RNF157: variants seen among roughly 807,000 people sequenced by gnomAD.
RNF157 encodes the protein ring finger protein 157.
Under a neutral mutation model 88.3 loss-of-function variants are expected in RNF157, and 55 were observed. That is an observed-to-expected ratio of 0.62 (90% CI 0.50 to 0.78). The LOEUF is 0.78. RNF157 is among the 30% of genes least tolerant of loss of function. The pLI is 0.00. For missense variants in RNF157, 788 were observed against 860.8 expected, an observed-to-expected ratio of 0.92 and a Z score of 1.06; for synonymous variants, 334 against 341.2, an observed-to-expected ratio of 0.98 and a Z score of 0.23.
chr17:76,164,630 A>C, intron 8 of RNF157, 118 bp downstream of exon 8: 1 of 565,086 alleles, frequency 1.8e-6, no homozygotes. Flanking sequence ...AAAAAGAGGA[A>C]AAGGAGAGAG....
At chr17:76,169,920 G>C (rs1170435835) in intron 3 of RNF157, among the ~76,000 whole-genome samples, 1 of 152,164 alleles carries the variant, frequency 6.6e-6, no homozygotes, top group Admixed American at 6.5e-5. Context: ...TTTTGCTACT[G>C]TCTTTCCTAT....
At chr17:76,215,286 C>A (rs2069869054) in intron 1 of RNF157, among the ~76,000 whole-genome samples, 1 of 151,862 alleles carries the variant, frequency 6.6e-6, no homozygotes, top group South Asian at 2.1e-4. Context: ...GACCTTGTCT[C>A]TACTAAAAAC....
chr17:76,206,227 T>C (rs2069680031), intron 2 of RNF157, among the ~76,000 whole-genome samples: 1 of 151,858 alleles, frequency 6.6e-6, no homozygotes, highest in Admixed American at 6.6e-5. Flanking sequence ...CAAGACCTTG[T>C]CTCAAAAGGA....
intron 2 of RNF157, among the ~76,000 whole-genome samples, chr17:76,183,918 G>A (rs994084404): frequency 5.3e-5 from 8 of 152,032 alleles, no homozygotes; most frequent in African/African-American, 1.4e-4. Flanking sequence ...GGCTGGGAGC[G>A]GTGGCTCACA....
intron 1 of RNF157, among the ~76,000 whole-genome samples, chr17:76,213,225 AAT>A (rs2069831617): frequency 6.6e-6 from 1 of 152,170 alleles, no homozygotes; most frequent in Non-Finnish European, 1.5e-5. Flanking sequence ...GATATTGTAA[AAT>A]ATATGTTTGA....
chr17:76,156,332 T>TG lies in RNF157; in HGVS notation c.1414-12dup, dbSNP rs1242090610. On this transcript the variant is annotated splice_polypyrimidine_tract_variant and intron_variant, in intron 13 of 18. Transcript: ENST00000269391. ...AGTCACACCACATTCCTGGGGGTTG[T>TG]GGGGGGACACAACAGGACATGGAGC... 2.5e-6 allele frequency: 4 copies of TG among 1,613,684 alleles called. No homozygotes were observed. The highest frequency in any genetic ancestry group is 1.7e-5 in the Admixed American group (1 of 59,978).
intron 6 of RNF157, 36 bp downstream of exon 6, chr17:76,166,425 G>A (rs1376356): frequency 0.19 from 291,353 of 1,562,378 alleles, 27,791 homozygotes; most frequent in Middle Eastern, 0.28. Context: ...CAAAAGAGCA[G>A]TGTGCACAGC....
At position 76,167,001 on chromosome 17, in the gene RNF157, C is replaced by T. The variant is rs2068936734; in HGVS notation, c.561+8G>A. The stretch of plus-strand genomic sequence containing the variant: ...GGATGTGGGAAACCCTCCCCAGAGG[C>T]AGCTCACCTCCTCTTCGGCCCACTC... On this transcript the variant is annotated splice_region_variant and intron_variant, in intron 5 of 18. Coordinates refer to ENST00000269391, the MANE Select transcript of RNF157 (RefSeq NM_052916.3). 2 of 1,588,702 alleles carry T rather than the reference C, an allele frequency of 1.3e-6. No individual in the cohort carries two copies. The highest frequency in any genetic ancestry group is 1.7e-6 in the Non-Finnish European group (2 of 1,167,404).
At chr17:76,238,920 G>C (rs1257935298) in intron 1 of RNF157, among the ~76,000 whole-genome samples, 3 of 152,160 alleles carry the variant, frequency 2.0e-5, no homozygotes, top group African/African-American at 7.2e-5. Context: ...TTCATTCTTT[G>C]GTACAAAAGC....
intron 12 of RNF157, 99 bp downstream of exon 12, chr17:76,159,236 C>A (rs1208704572): frequency 4.8e-6 from 5 of 1,044,884 alleles, no homozygotes; most frequent in Non-Finnish European, 7.4e-6. Context: ...CAGAGGGTTA[C>A]TCTGCCCTAA....
Position 76,146,906 on chromosome 17 carries a change from ACCCT to A in RNF157, c.1922-1557_1922-1554del, listed in dbSNP as rs2144783979. On this transcript the variant is annotated intron_variant, in intron 18 of 18. Coordinates refer to ENST00000269391, the MANE Select transcript of RNF157 (RefSeq NM_052916.3). This position sits in a 1 kb window ranked among gnomAD's most constrained non-coding sequence, Gnocchi z 4.2. Reference sequence around the variant, plus strand: ...GCCTCAGGCCAGCCCAGGACATGAAACCCTTTAATGGCATGTAGAGTCAACAGGT... The same window carrying A: ...GCCTCAGGCCAGCCCAGGACATGAAATTAATGGCATGTAGAGTCAACAGGT... The A allele has an allele frequency of 3.0e-6, 3 of 985,374 alleles. No homozygotes were observed. Among genetic ancestry groups the A allele is most frequent in the South Asian group, 9.4e-5 (2 of 21,284 alleles). 61.0% of individuals were successfully genotyped at this position (985,374 alleles called of 1,614,324 possible).
intron 2 of RNF157, among the ~76,000 whole-genome samples, chr17:76,182,805 AGAGAGATATATATCCTATATATCC>A (rs2069216354): frequency 5.2e-5 from 7 of 134,996 alleles, no homozygotes; most frequent in African/African-American, 1.8e-4. Context: ...TATATATATG[AGAGAGATATATATCCTATATATCC>A]TATATATGAT....
chr17:76,154,562 G>T (rs1244677008), intron 16 of RNF157: 2 of 514,724 alleles, frequency 3.9e-6, no homozygotes, highest in Admixed American at 3.5e-5. Flanking sequence ...TATATGCTCA[G>T]AATGGTCTGT....
intron 2 of RNF157, among the ~76,000 whole-genome samples, chr17:76,209,228 G>C (rs1326205170): frequency 6.6e-6 from 1 of 152,116 alleles, no homozygotes; most frequent in Non-Finnish European, 1.5e-5. Context: ...ACTGTGCCCA[G>C]CTTGATCTTC....
At chr17:76,150,339 G>A (rs1056552346) in intron 18 of RNF157, among the ~76,000 whole-genome samples, 2 of 152,082 alleles carry the variant, frequency 1.3e-5, no homozygotes, top group African/African-American at 4.8e-5. Flanking sequence ...TCACCCTAGG[G>A]AACCCCAGGG....
chr17:76,233,212 G>A (rs560367538), intron 1 of RNF157, among the ~76,000 whole-genome samples: 12 of 152,060 alleles, frequency 7.9e-5, no homozygotes, highest in African/African-American at 2.9e-4. Context: ...GAGCCACCGT[G>A]CCTGGCCTCT....
intron 2 of RNF157, among the ~76,000 whole-genome samples, chr17:76,194,548 T>C (rs1451041422): frequency 6.6e-6 from 1 of 152,130 alleles, no homozygotes; most frequent in Non-Finnish European, 1.5e-5. Context: ...CAAAGACAAA[T>C]AACTCATTTA....
intron 2 of RNF157, among the ~76,000 whole-genome samples, chr17:76,179,824 G>C (rs1055295456): frequency 2.0e-5 from 3 of 152,216 alleles, no homozygotes; most frequent in African/African-American, 7.2e-5. Flanking sequence ...AACAGATTCA[G>C]GGCCAAGCAT....
rs2069432804 is a variant in RNF157, at chr17:76,194,089, TA to T, written c.207+18274del. 2.0e-5 allele frequency among the ~76,000 whole-genome samples: 3 copies of T among 152,234 alleles called. 1 individual carries two copies. In the South Asian group the frequency reaches 6.2e-4, roughly 31 times the overall value. On this transcript the variant is annotated intron_variant, in intron 2 of 18. Transcript: ENST00000269391. ...GGTTTGTTTATCAAGGTATAATTTA[TA>T]TACAGTAAAATTCAGCCTTTTTGGT...
Sources: allele counts gnomAD v4.1 joint callset (sites outside exome capture counted in the v4.1 genomes callset), GRCh38; gene constraint gnomAD v4.1.1; non-coding constraint Gnocchi (gnomAD v3.1); transcripts MANE v1.5; gene names NCBI Gene and HGNC (gene_info 2026-07-23, HGNC 2026-07-21).